The following CNIH3 variants were observed in gnomAD, a reference collection of about 807,000 sequenced individuals.
CNIH3 encodes the protein cornichon family AMPA receptor auxiliary protein 3.
In CNIH3, 14 loss-of-function variants were observed where a neutral mutation model predicts 24.1. That is an observed-to-expected ratio of 0.58 (90% confidence interval 0.38 to 0.91). The LOEUF is 0.91. Among genes scored for constraint, CNIH3 ranks in the 40% least tolerant of loss-of-function variants. The probability of loss-of-function intolerance (pLI) is 0.00; values close to 1 mark genes in which losing one functional copy is unlikely to be tolerated. For missense variants in CNIH3, 178 were observed against 196.8 expected (o/e 0.90, Z 0.57); for synonymous variants, 68 against 73.8 (o/e 0.92, Z 0.40).
chr1:224,713,694 AAGAAAAG>A (rs1332898302), intron 3 of CNIH3, among the ~76,000 whole-genome samples: 1 of 152,240 alleles, frequency 6.6e-6, no homozygotes, highest in African/African-American at 2.4e-5. Context: ...AGTTTATTGG[AAGAAAAG>A]AGAAAAGCAT....
At chr1:224,527,166 G>A (rs1400168749) in intron 2 of CNIH3, among the ~76,000 whole-genome samples, 1 of 152,152 alleles carries the variant, frequency 6.6e-6, no homozygotes, top group Non-Finnish European at 1.5e-5. Flanking sequence ...GTGTGTGGGG[G>A]ACAGGTGCTT....
intron 1 of CNIH3, among the ~76,000 whole-genome samples, chr1:224,468,706 G>A (rs886630172): frequency 4.3e-4 from 65 of 151,924 alleles, no homozygotes; most frequent in Middle Eastern, 3.4e-3. Context: ...ATGAGAGTAC[G>A]TCTGTGGTAG....
At chr1:224,724,754 C>T (rs1688926784) in intron 3 of CNIH3, among the ~76,000 whole-genome samples, 1 of 152,128 alleles carries the variant, frequency 6.6e-6, no homozygotes, top group African/African-American at 2.4e-5. Context: ...TTTCTCTTCC[C>T]ACTTGAGGAA....
intron 1 of CNIH3, among the ~76,000 whole-genome samples, chr1:224,671,319 C>G (rs1223374899): frequency 6.6e-6 from 1 of 152,198 alleles, no homozygotes; most frequent in Admixed American, 6.5e-5. Context: ...GTTCAACTTC[C>G]TCTCCTAGAC....
At chr1:224,529,078 C>G (rs539007804) in intron 2 of CNIH3, 1 of 152,180 alleles carries the variant, frequency 6.6e-6, no homozygotes, top group Non-Finnish European at 1.5e-5. Context: ...CAGCCTCCCC[C>G]AGGCAGCTCT....
chr1:224,465,896 C>CG (rs756430345), intron 1 of CNIH3, among the ~76,000 whole-genome samples: 86 of 152,064 alleles, frequency 5.7e-4, no homozygotes, highest in Non-Finnish European at 1.1e-3. Flanking sequence ...GGCATGGTGT[C>CG]GGGCACCTGT....
chr1:224,713,008 T>TA (rs1400078011), intron 3 of CNIH3, among the ~76,000 whole-genome samples: 2 of 152,186 alleles, frequency 1.3e-5, no homozygotes, highest in African/African-American at 4.8e-5. Flanking sequence ...ACAAAAAGGT[T>TA]AACATTAAAT....
At chr1:224,628,599 G>A (rs976307089) in intron 1 of CNIH3, among the ~76,000 whole-genome samples, 1 of 151,994 alleles carries the variant, frequency 6.6e-6, no homozygotes, top group African/African-American at 2.4e-5. Context: ...TCATATTGTA[G>A]CCTGTGTCAG....
chr1:224,441,729 A>G (rs1674924646), intron 1 of CNIH3, among the ~76,000 whole-genome samples: 2 of 152,236 alleles, frequency 1.3e-5, no homozygotes, highest in Admixed American at 6.5e-5. Context: ...AGACTGTAGT[A>G]GATTATTCAT....
intron 2 of CNIH3, among the ~76,000 whole-genome samples, chr1:224,528,488 TA>T (rs1003510536): frequency 1.3e-5 from 2 of 151,940 alleles, no homozygotes; most frequent in African/African-American, 2.4e-5. Flanking sequence ...CCTAGAAAAT[TA>T]AAAAAATTTT....
rs535432711 is a variant in CNIH3, at chr1:224,468,222, T to C, written n.203+33360T>C. On this transcript the variant is annotated intron_variant and non_coding_transcript_variant, in intron 1 of 5. Coordinates refer to the CNIH3 transcript ENST00000471578. ...TTTTAGAATAAGTTATTTATATCTA[T>C]AAGAAGCCTTGCTGGAATTTGGATA... 4.1e-4 allele frequency among the ~76,000 whole-genome samples: 62 copies of C among 152,348 alleles called. 1 individual carries two copies. The South Asian group carries it at 0.013, about 31-fold the overall frequency.
chr1:224,617,029 C>T lies in CNIH3; in HGVS notation c.-146C>T. On this transcript the variant is annotated 5_prime_UTR_variant, in exon 1 of 6. Coordinates refer to ENST00000272133, the MANE Select transcript of CNIH3 (RefSeq NM_152495.2). The stretch of plus-strand genomic sequence containing the variant: ...AGCGCTTATTCGCTGACCCTCGAGT[C>T]GCTTCGCTAGCTGTGCGCCCTCCTG... The T allele has an allele frequency of 7.0e-7, 1 of 1,422,900 alleles. No individual in the cohort carries two copies. Among genetic ancestry groups the T allele is most frequent in the South Asian group, 1.7e-5 (1 of 58,898 alleles). The allele number at this position is 1,422,900 out of a possible 1,614,324, so 88.1% of individuals were successfully genotyped here.
chr1:224,681,174 G>A (rs1686382759), intron 2 of CNIH3, 148 bp downstream of exon 2: 1 of 694,588 alleles, frequency 1.4e-6, no homozygotes, highest in Non-Finnish European at 2.6e-6. Flanking sequence ...GGTTGTGGAG[G>A]AGCCTTCTCA....
At chr1:224,646,250 A>G (rs1363545941) in intron 1 of CNIH3, among the ~76,000 whole-genome samples, 2 of 152,168 alleles carry the variant, frequency 1.3e-5, no homozygotes, top group African/African-American at 2.4e-5. Context: ...AGAGAAAGAC[A>G]GAGGGATTAG....
chr1:224,684,153 TGCACGATGCGG>T lies in CNIH3; in HGVS notation c.151-639_151-629del, dbSNP rs1046556583. Among the ~76,000 whole-genome samples, 10 of 152,202 alleles carry T rather than the reference TGCACGATGCGG, an allele frequency of 6.6e-5. No homozygotes were observed. Among genetic ancestry groups the T allele is most frequent in the African/African-American group, 2.4e-4 (10 of 41,464 alleles). Reference sequence around the variant, plus strand: ...GGAAAAGGGAGGCAACGGCATTTAGTGCACGATGCGGGCATCATCACCTGCCCAGCCACGGG... The same window carrying T: ...GGAAAAGGGAGGCAACGGCATTTAGTGCATCATCACCTGCCCAGCCACGGG... On this transcript the variant is annotated intron_variant, in intron 2 of 5. Coordinates refer to ENST00000272133, the MANE Select transcript of CNIH3 (RefSeq NM_152495.2). This position sits in a 1 kb window ranked among gnomAD's most constrained non-coding sequence, Gnocchi z 4.2.
rs147353810 is a variant in CNIH3 at position 224,703,991 on chromosome 1, A to G, written c.198+19148A>G. 7.6e-3 allele frequency among the ~76,000 whole-genome samples: 1,139 copies of G among 150,438 alleles called. 7 individuals carry two copies. Among genetic ancestry groups the G allele is most frequent in the Non-Finnish European group, 9.4e-3 (636 of 68,010 alleles). ...CACCAATCATGCGATGAATGAGGCC[A>G]GAGTTTCATTGGATTGGATTCTGTA... On this transcript the variant is annotated intron_variant, in intron 3 of 5. Coordinates refer to ENST00000272133, the MANE Select transcript of CNIH3 (RefSeq NM_152495.2). This position sits in a 1 kb window ranked among gnomAD's most constrained non-coding sequence, Gnocchi z 4.2.
At chr1:224,691,951 C>A (rs987798589) in intron 3 of CNIH3, among the ~76,000 whole-genome samples, 1 of 152,184 alleles carries the variant, frequency 6.6e-6, no homozygotes, top group African/African-American at 2.4e-5. Context: ...CATTTATAAA[C>A]CAGAACTTAG....
intron 2 of CNIH3, among the ~76,000 whole-genome samples, chr1:224,544,964 G>A (rs1045617060): frequency 3.3e-5 from 5 of 152,184 alleles, no homozygotes; most frequent in Admixed American, 2.6e-4. Context: ...GTAGAGTGGG[G>A]TGAGTGTTAG....
chr1:224,702,325 G>T (rs1183555957), intron 3 of CNIH3, among the ~76,000 whole-genome samples: 1 of 152,156 alleles, frequency 6.6e-6, no homozygotes, highest in Non-Finnish European at 1.5e-5. Flanking sequence ...CCCCAACCCT[G>T]CAGTAAATAC....
Sources: gnomAD v4.1 joint callset for allele counts (sites outside exome capture counted in the v4.1 genomes callset) on GRCh38, gnomAD v4.1.1 for gene constraint, Gnocchi (gnomAD v3.1) non-coding constraint, MANE v1.5 for transcripts, NCBI Gene and HGNC (gene_info 2026-07-23, HGNC 2026-07-21) for gene names.